The following NREP variants were observed in gnomAD, a reference collection of about 807,000 sequenced individuals.
NREP encodes neuronal regeneration related protein, also known as neuronal regeneration-related protein.
NREP carries 5 observed loss-of-function variants against 8.6 expected under a neutral mutation model. The observed-to-expected ratio is 0.58, with a 90% confidence interval of 0.30 to 1.22. The LOEUF is 1.22. Ranked by LOEUF, NREP falls within the 50% of genes most tolerant of loss-of-function variation. The pLI is 0.07. For missense variants in NREP, 86 were observed against 82.5 expected, an observed-to-expected ratio of 1.04 and a Z score of -0.17; for synonymous variants, 27 against 28.0, an observed-to-expected ratio of 0.96 and a Z score of 0.11.
chr5:111,832,252 T>A (rs1456477156), intron 2 of NREP, among the ~76,000 whole-genome samples: 1 of 152,052 alleles, frequency 6.6e-6, no homozygotes, highest in Non-Finnish European at 1.5e-5. Flanking sequence ...GTGTGGTGGC[T>A]CAACCCTGTA....
At chr5:111,762,209 G>A (rs1750975725), upstream of NREP, among the ~76,000 whole-genome samples, 1 of 152,110 alleles carries the variant, frequency 6.6e-6, no homozygotes, top group African/African-American at 2.4e-5. Flanking sequence ...AGTCTAAGAT[G>A]ATTCTAGATT....
At chr5:111,873,368 T>C (rs1317286567) in intron 2 of NREP, among the ~76,000 whole-genome samples, 2 of 152,108 alleles carry the variant, frequency 1.3e-5, no homozygotes, top group Non-Finnish European at 2.9e-5. Context: ...AGGCCAGAAG[T>C]CCAATGTGGG....
chr5:111,903,363 G>C (rs1754694880), intron 2 of NREP, among the ~76,000 whole-genome samples: 1 of 152,012 alleles, frequency 6.6e-6, no homozygotes, highest in African/African-American at 2.4e-5. Flanking sequence ...GGGATTACAG[G>C]TGTGAGCCAC....
chr5:111,757,440 C>T (rs1003430929), upstream of NREP: 5 of 984,688 alleles, frequency 5.1e-6, no homozygotes, highest in African/African-American at 7.0e-5. Context: ...CTCTCTCTCC[C>T]TTTCCCTCTC....
intron 2 of NREP, among the ~76,000 whole-genome samples, chr5:111,953,174 CA>C (rs1372286970): frequency 1.3e-5 from 2 of 152,060 alleles, no homozygotes; most frequent in Admixed American, 1.3e-4. Flanking sequence ...TTCTTTCAAC[CA>C]ATTTCCTTCA....
At position 111,914,610 on chromosome 5, in the gene NREP, G is replaced by A. The variant is rs534156033; in HGVS notation, c.135+60664C>T. Among the ~76,000 whole-genome samples the A allele has an allele frequency of 3.3e-5, 5 of 152,232 alleles. No homozygotes were observed. In the East Asian group the frequency reaches 9.7e-4, roughly 29 times the overall value. The stretch of plus-strand genomic sequence containing the variant: ...GACGTGTCAGGTTATAAATGACCCT[G>A]TCTCCTTTTTTCGTTGTACTCTCCT... On this transcript the variant is annotated intron_variant, in intron 2 of 3. Coordinates refer to the NREP transcript ENST00000395634.
chr5:111,792,156 T>C (rs76740723), intron 2 of NREP, among the ~76,000 whole-genome samples: 1 of 152,188 alleles, frequency 6.6e-6, no homozygotes, highest in African/African-American at 2.4e-5. Flanking sequence ...AATAAGAAAT[T>C]CACATATAAT....
chr5:111,735,698 G>A (rs1040358777), intron 2 of NREP, among the ~76,000 whole-genome samples, 191 bp from the exon 3 acceptor site: 5 of 152,224 alleles, frequency 3.3e-5, no homozygotes, highest in African/African-American at 7.2e-5. Context: ...ACTCAGGAGA[G>A]TTTCAGCTCG....
In NREP at chr5:111,934,641, T is replaced by C. The variant is rs140583216; in HGVS notation, c.135+40633A>G. 6.3e-3 allele frequency among the ~76,000 whole-genome samples: 954 copies of C among 152,184 alleles called. 3 individuals carry two copies. Among genetic ancestry groups the C allele is most frequent in the African/African-American group, 0.022 (919 of 41,556 alleles). The stretch of plus-strand genomic sequence containing the variant: ...AATTCTCCTTGACTCTCAGGAGGAA[T>C]GTATGGCCGCAGTTCCATGTGGGGA... On this transcript the variant is annotated intron_variant, in intron 2 of 3. Coordinates refer to the NREP transcript ENST00000395634.
chr5:111,906,254 G>A (rs1754775272), intron 2 of NREP, among the ~76,000 whole-genome samples: 1 of 151,888 alleles, frequency 6.6e-6, no homozygotes, highest in African/African-American at 2.4e-5. Context: ...ATTTTGCAAT[G>A]TGTTTCTTAT....
intron 2 of NREP, among the ~76,000 whole-genome samples, chr5:111,913,004 C>T (rs1754955001): frequency 6.6e-6 from 1 of 152,054 alleles, no homozygotes; most frequent in African/African-American, 2.4e-5. Flanking sequence ...ACTTATTTGG[C>T]TTACAATATT....
chr5:111,938,811 C>T (rs1268091405), intron 2 of NREP, among the ~76,000 whole-genome samples: 2 of 152,060 alleles, frequency 1.3e-5, no homozygotes, highest in Non-Finnish European at 2.9e-5. Flanking sequence ...CAGTCAGCAG[C>T]TCAGAGATCA....
At chr5:111,907,393 T>C (rs2112557695) in intron 2 of NREP, among the ~76,000 whole-genome samples, 1 of 152,240 alleles carries the variant, frequency 6.6e-6, no homozygotes, top group African/African-American at 2.4e-5. Context: ...GATTTATACC[T>C]ATGCATTGGA....
At chr5:111,893,976 G>C (rs903287345) in intron 2 of NREP, among the ~76,000 whole-genome samples, 1 of 152,082 alleles carries the variant, frequency 6.6e-6, no homozygotes, top group Non-Finnish European at 1.5e-5. Context: ...CCAGCACCTT[G>C]GGAGGCCGAC....
chr5:111,815,555 G>C (rs960432637), intron 2 of NREP, among the ~76,000 whole-genome samples: 2 of 151,840 alleles, frequency 1.3e-5, no homozygotes, highest in Admixed American at 6.6e-5. Flanking sequence ...TTTTTCACCA[G>C]TGAGAGTATC....
chr5:111,753,066 A>T, intron 2 of NREP, among the ~76,000 whole-genome samples: 1 of 151,994 alleles, frequency 6.6e-6, no homozygotes, highest in East Asian at 1.9e-4. Context: ...TGCAAAAAAA[A>T]ACACAAAACT....
intron 2 of NREP, among the ~76,000 whole-genome samples, chr5:111,964,299 A>G (rs1002773077): frequency 1.3e-5 from 2 of 152,186 alleles, no homozygotes; most frequent in African/African-American, 4.8e-5. Context: ...TGTTCATGTC[A>G]TTGCTGTATA....
intron 2 of NREP, among the ~76,000 whole-genome samples, chr5:111,895,863 A>T (rs1270414243): frequency 6.6e-6 from 1 of 152,170 alleles, no homozygotes; most frequent in Non-Finnish European, 1.5e-5. Context: ...CGGCCTTAGA[A>T]GGAGGAGTGA....
At position 111,748,047 on chromosome 5, in the gene NREP, C is replaced by T. The variant is rs567348628; in HGVS notation, c.3+7723G>A. 4.6e-5 allele frequency among the ~76,000 whole-genome samples: 7 copies of T among 152,272 alleles called. No individual in the cohort carries two copies. The South Asian group carries it at 6.2e-4, about 14-fold the overall frequency. On this transcript the variant is annotated intron_variant, in intron 2 of 3. Transcript: ENST00000257435. ...TGGAAAAGCACCATTAATACCCTCA[C>T]GCATAGTGGCGCCCCACAGCCAGTG...
Sources: gnomAD v4.1 joint callset for allele counts (sites outside exome capture counted in the v4.1 genomes callset) on GRCh38, gnomAD v4.1.1 for gene constraint, MANE v1.5 for transcripts, NCBI Gene and HGNC (gene_info 2026-07-23, HGNC 2026-07-21) for gene names.